ZFP64: variants seen among roughly 807,000 people sequenced by gnomAD.
The protein encoded by ZFP64 is zinc finger protein 64.
A neutral mutation model predicts 51.6 loss-of-function variants in ZFP64; 14 were observed. That is an observed-to-expected ratio of 0.27 (90% CI 0.18 to 0.42). The LOEUF is 0.42. Among genes scored for constraint, ZFP64 ranks in the 10% least tolerant of loss-of-function variants. The pLI is 1.00. For synonymous variants in ZFP64, 375 were observed against 361.4 expected (o/e 1.04, Z -0.43); for missense variants, 754 against 906.8 (o/e 0.83, Z 2.16).
At chr20:52,128,885 A>C (rs1979571417) in intron 5 of ZFP64, among the ~76,000 whole-genome samples, 1 of 151,726 alleles carries the variant, frequency 6.6e-6, no homozygotes. Context: ...AGAAGCTAAC[A>C]CTCCACAAGG....
chr20:52,125,068 A>G (rs1002999478), intron 5 of ZFP64, among the ~76,000 whole-genome samples: 11 of 152,192 alleles, frequency 7.2e-5, no homozygotes, highest in Non-Finnish European at 1.5e-4. Context: ...AAACCATCTA[A>G]GCTAGTGTCC....
At chr20:52,150,539 CTGTT>C (rs1980741759), downstream of ZFP64, among the ~76,000 whole-genome samples, 1 of 146,210 alleles carries the variant, frequency 6.8e-6, no homozygotes, top group South Asian at 2.1e-4. Context: ...CAAGCCTTTT[CTGTT>C]TCTTACCAAA....
intron 6 of ZFP64, chr20:52,098,315 G>A (rs902464508): frequency 4.7e-5 from 64 of 1,369,340 alleles, no homozygotes; most frequent in Middle Eastern, 5.3e-4. Flanking sequence ...GTGTGCTGAT[G>A]TAGATACTGG....
exon 9 of ZFP64, chr20:52,084,820 C>A: frequency 6.2e-7 from 1 of 1,614,152 alleles, no homozygotes. Flanking sequence ...CCTTCCTTGC[C>A]CAGAGGGGCC....
chr20:52,175,875 C>CCAAAAA, intron 2 of ZFP64: 28 of 965,522 alleles, frequency 2.9e-5, no homozygotes, highest in South Asian at 4.8e-5. Flanking sequence ...CCCCCGCCCC[C>CCAAAAA]AAAATAATTC....
rs1980802564 is a variant in ZFP64, at chr20:52,151,618, A to C, written c.*528T>G. On this transcript the variant is annotated 3_prime_UTR_variant, in exon 6 of 6. Transcript: ENST00000216923. ...CATTGGAATCATCTTGGTAACATTT[A>C]AGATTCTACAACAGTTATAATGCGA... The C allele has an allele frequency of 1.0e-6, 1 of 987,076 alleles. No homozygotes were observed. Among genetic ancestry groups the C allele is most frequent in the Non-Finnish European group, 1.2e-6 (1 of 831,076 alleles). 61.1% of individuals were successfully genotyped at this position (987,076 alleles called of 1,614,324 possible).
At chr20:52,157,973 T>C (rs1219809499) in intron 5 of ZFP64, among the ~76,000 whole-genome samples, 2 of 152,182 alleles carry the variant, frequency 1.3e-5, no homozygotes, top group Non-Finnish European at 2.9e-5. Context: ...TCCAGCTTCA[T>C]CCATGTCCCT....
intron 2 of ZFP64, among the ~76,000 whole-genome samples, chr20:52,173,220 C>T (rs1377221610): frequency 6.6e-6 from 1 of 152,070 alleles, no homozygotes; most frequent in Non-Finnish European, 1.5e-5. Flanking sequence ...TTTTAAATGA[C>T]AATGTTTATT....
intron 3 of ZFP64, 175 bp downstream of exon 3, chr20:52,165,689 C>T (rs1379064549): frequency 1.2e-6 from 1 of 857,404 alleles, no homozygotes; most frequent in African/African-American, 1.7e-5. Flanking sequence ...AGAATGACCA[C>T]AGACAGTGGG....
chr20:52,123,358 C>T (rs1474796582), intron 5 of ZFP64, among the ~76,000 whole-genome samples: 1 of 152,208 alleles, frequency 6.6e-6, no homozygotes, highest in Non-Finnish European at 1.5e-5. Flanking sequence ...TGCTATCAAA[C>T]AGCATTGCAT....
rs1320640157 is a variant in ZFP64 at position 52,090,668 on chromosome 20, G to A, written c.977-2025C>T. On this transcript the variant is annotated intron_variant, in intron 7 of 8. Transcript: ENST00000361387. ...ACAAAAATTAGCTGGGCTTGGTGAT[G>A]CACACCTGTAATCCCAACTACTGGG... 2.0e-5 allele frequency among the ~76,000 whole-genome samples: 3 copies of A among 152,084 alleles called. No homozygotes were observed. The East Asian group carries it at 5.8e-4, about 29-fold the overall frequency.
intron 2 of ZFP64, among the ~76,000 whole-genome samples, chr20:52,173,694 G>A (rs990561353): frequency 6.6e-6 from 1 of 151,542 alleles, no homozygotes; most frequent in Non-Finnish European, 1.5e-5. Flanking sequence ...CTGTTGCCAG[G>A]CTGAAGTGCA....
At chr20:52,172,209 GTGTGTGTGTGTT>G (rs1179223344) in intron 2 of ZFP64, among the ~76,000 whole-genome samples, 1 of 147,298 alleles carries the variant, frequency 6.8e-6, no homozygotes, top group Non-Finnish European at 1.5e-5. Context: ...GTGTTGGTGT[GTGTGTGTGTGTT>G]TGTGTGTGTG....
At chr20:52,099,487 A>G (rs1477468945) in intron 5 of ZFP64, among the ~76,000 whole-genome samples, 1 of 152,200 alleles carries the variant, frequency 6.6e-6, no homozygotes, top group African/African-American at 2.4e-5. Context: ...AGACTGAGAG[A>G]CTTGAGGTGG....
chr20:52,137,562 G>A (rs973818140), intron 5 of ZFP64, among the ~76,000 whole-genome samples: 24 of 152,302 alleles, frequency 1.6e-4, no homozygotes, highest in African/African-American at 5.1e-4. Flanking sequence ...GAGTAAAAGC[G>A]CAACATAGGG....
chr20:52,090,927 C>CA (rs797006213), intron 7 of ZFP64, among the ~76,000 whole-genome samples: 25,430 of 67,166 alleles, frequency 0.38, 4,443 homozygotes, highest in Middle Eastern at 0.42. Flanking sequence ...CTGACTCTAC[C>CA]AAAAAAAAAA....
At chr20:52,142,010 C>A (rs1980276837) in intron 5 of ZFP64, among the ~76,000 whole-genome samples, 1 of 152,084 alleles carries the variant, frequency 6.6e-6, no homozygotes. Flanking sequence ...TATACATGGG[C>A]ATACAGTGTG....
chr20:52,110,651 T>TGGCCACCA (rs1978511776), intron 5 of ZFP64: 1 of 1,276,744 alleles, frequency 7.8e-7, no homozygotes, highest in Non-Finnish European at 1.1e-6. Context: ...CCTATGCAGC[T>TGGCCACCA]GGCCACCAGG....
At chr20:52,112,082 C>CAAAAAAAAA (rs375422075) in intron 5 of ZFP64, among the ~76,000 whole-genome samples, 3 of 78,374 alleles carry the variant, frequency 3.8e-5, no homozygotes, top group African/African-American at 4.9e-5. Flanking sequence ...ACTCTATCTC[C>CAAAAAAAAA]AAAAAAAAAA....
Sources: gnomAD v4.1 joint callset for allele counts (sites outside exome capture counted in the v4.1 genomes callset) on GRCh38, gnomAD v4.1.1 for gene constraint, MANE v1.5 for transcripts, NCBI Gene and HGNC (gene_info 2026-07-23, HGNC 2026-07-21) for gene names.